The following PXDNL variants were observed in gnomAD, a reference collection of about 807,000 sequenced individuals.
The protein encoded by PXDNL is peroxidasin like, also known as probable oxidoreductase PXDNL.
In PXDNL, 145 loss-of-function variants were observed where a neutral mutation model predicts 150.8. The observed-to-expected ratio is 0.96, with a 90% confidence interval of 0.84 to 1.10. The LOEUF (loss-of-function observed/expected upper bound fraction) is 1.10. Among genes scored for constraint, PXDNL ranks in the 50% least tolerant of loss-of-function variants. The pLI is 0.00. For missense variants in PXDNL, 2,087 were observed against 1,873.9 expected (o/e 1.11, Z -2.10); for synonymous variants, 757 against 725.7 (o/e 1.04, Z -0.69).
intron 1 of PXDNL, among the ~76,000 whole-genome samples, chr8:51,757,642 T>C (rs1229766796): frequency 6.6e-6 from 1 of 152,264 alleles, no homozygotes; most frequent in African/African-American, 2.4e-5. Flanking sequence ...GTCTAAATCA[T>C]CTGCAATGTC....
chr8:51,742,615 A>C (rs777174916), intron 1 of PXDNL, among the ~76,000 whole-genome samples: 10 of 151,660 alleles, frequency 6.6e-5, no homozygotes, highest in Non-Finnish European at 1.3e-4. Context: ...AACATCAACA[A>C]ATGAAGAAAA....
At chr8:51,593,337 C>G (rs1207721468) in intron 2 of PXDNL, among the ~76,000 whole-genome samples, 1 of 152,052 alleles carries the variant, frequency 6.6e-6, no homozygotes, top group Non-Finnish European at 1.5e-5. Flanking sequence ...AGCACCCTGG[C>G]AAATGAAAAT....
chr8:51,568,267 G>A (rs1445518811), intron 3 of PXDNL, among the ~76,000 whole-genome samples: 4 of 151,678 alleles, frequency 2.6e-5, no homozygotes, highest in Non-Finnish European at 1.5e-5. Context: ...TCTCTTTGAA[G>A]GATTTTTTAA....
intron 1 of PXDNL, among the ~76,000 whole-genome samples, chr8:51,785,102 A>C (rs1280322999): frequency 1.3e-5 from 2 of 152,160 alleles, no homozygotes; most frequent in African/African-American, 4.8e-5. Context: ...GTGGAATTAA[A>C]CATTTTAGAT....
intron 1 of PXDNL, among the ~76,000 whole-genome samples, chr8:51,708,735 G>A (rs182770976): frequency 1.4e-4 from 22 of 152,320 alleles, no homozygotes; most frequent in African/African-American, 5.1e-4. Context: ...GTTGAACTGA[G>A]AGGAGACCTT....
chr8:51,408,309 A>G lies in PXDNL; in HGVS notation c.3315T>C (p.Phe1105=). ...GTGCCCGCCATTTAGCAGCCACGCC[A>G]AACAGCCCCCGGAGAACCGGGTCTA... ...GGIDPVLRGL[F]GVAAKWRAPS... is the part of the protein sequence containing the mutation. Residue 1105 remains phenylalanine, a synonymous_variant, in exon 17 of 23, where the codon TTT becomes TTC. Coordinates refer to ENST00000356297, the MANE Select transcript of PXDNL (RefSeq NM_144651.5). 1.9e-6 allele frequency: 3 copies of G among 1,613,996 alleles called. No individual in the cohort carries two copies. The highest frequency in any genetic ancestry group is 2.5e-6 in the Non-Finnish European group (3 of 1,179,886).
chr8:51,637,197 A>G lies in PXDNL; in HGVS notation c.236+17492T>C, dbSNP rs1814624100. Among the ~76,000 whole-genome samples the G allele has an allele frequency of 2.0e-5, 3 of 152,232 alleles. No homozygotes were observed. In the East Asian group the frequency reaches 5.8e-4, roughly 29 times the overall value. On this transcript the variant is annotated intron_variant, in intron 2 of 22. Transcript: ENST00000356297. Reference sequence around the variant, plus strand: ...CACACCAAAACCCCATCTGTATGTTACCATCATCAAAGACCAAAGGTAGAT... The same window carrying G: ...CACACCAAAACCCCATCTGTATGTTGCCATCATCAAAGACCAAAGGTAGAT...
chr8:51,398,132 C>A (rs905029724), intron 17 of PXDNL, among the ~76,000 whole-genome samples: 1 of 152,212 alleles, frequency 6.6e-6, no homozygotes, highest in African/African-American at 2.4e-5. Flanking sequence ...CTTCCAAACA[C>A]TGGACAACAA....
chr8:51,608,833 T>A (rs1813932116), intron 2 of PXDNL, among the ~76,000 whole-genome samples: 1 of 57,844 alleles, frequency 1.7e-5, no homozygotes. Flanking sequence ...CAAGACTCTG[T>A]CTCAAAAAAA....
chr8:51,803,246 A>C (rs13272813), intron 1 of PXDNL, among the ~76,000 whole-genome samples: 9,394 of 152,240 alleles, frequency 0.062, 381 homozygotes, highest in Non-Finnish European at 0.087. Context: ...GGAAGCTCTC[A>C]GTTACTTGCT....
At chr8:51,421,084 T>C (rs1480834227) in intron 14 of PXDNL, among the ~76,000 whole-genome samples, 2 of 152,260 alleles carry the variant, frequency 1.3e-5, no homozygotes, top group Non-Finnish European at 2.9e-5. Flanking sequence ...GAAATGTTTT[T>C]TCACTGAGAT....
chr8:51,802,026 T>C (rs1057069682), intron 1 of PXDNL, among the ~76,000 whole-genome samples: 2 of 152,184 alleles, frequency 1.3e-5, no homozygotes, highest in African/African-American at 4.8e-5. Flanking sequence ...GCACAAAATA[T>C]CATGCATGTC....
intron 1 of PXDNL, among the ~76,000 whole-genome samples, chr8:51,708,494 T>G (rs1262924236): frequency 2.6e-5 from 4 of 152,230 alleles, no homozygotes; most frequent in Non-Finnish European, 1.5e-5. Context: ...CTTATGAACT[T>G]AAATTGTAGG....
Position 51,556,903 on chromosome 8 carries a change from T to C in PXDNL, c.317A>G (p.Tyr106Cys). The change falls in exon 4 of 23, where the codon TAT (tyrosine) becomes TGT (cysteine). Residue 106 changes from tyrosine to cysteine, a missense_variant. By Grantham distance (194) the Tyr-to-Cys change is radical. Transcript: ENST00000356297. ...ATCTAGTGCATGGATTTCATTCTTA[T>C]ACAGGTACCTGGAAAATATATAGAA... Reference protein sequence around the residue: ...GLENLLYLYLYKNEIHALDKQ... With the variant: ...GLENLLYLYLCKNEIHALDKQ... The C allele has an allele frequency of 5.2e-6, 8 of 1,549,150 alleles. No homozygotes were observed. Among genetic ancestry groups the C allele is most frequent in the Non-Finnish European group, 7.1e-6 (8 of 1,121,766 alleles).
intron 21 of PXDNL, among the ~76,000 whole-genome samples, chr8:51,329,153 T>A (rs183538792): frequency 6.6e-6 from 1 of 152,294 alleles, no homozygotes; most frequent in Non-Finnish European, 1.5e-5. Context: ...ATAAGCCCAC[T>A]AGAAAGCTGA....
At position 51,794,574 on chromosome 8, in the gene PXDNL, A is replaced by G. The variant is rs376272403; in HGVS notation, c.164+14607T>C. 3.9e-4 allele frequency among the ~76,000 whole-genome samples: 59 copies of G among 152,322 alleles called. 1 individual carries two copies. In the South Asian group the frequency reaches 0.012, roughly 30 times the overall value. ...TCTGCCAAACTAAGCTTCATAAGCA[A>G]AGGAGAAATAAAATCCTTTTCAGAC... On this transcript the variant is annotated intron_variant, in intron 1 of 22. Coordinates refer to ENST00000356297, the MANE Select transcript of PXDNL (RefSeq NM_144651.5).
Position 51,786,253 on chromosome 8 carries a change from G to A in PXDNL, c.164+22928C>T, listed in dbSNP as rs191448363. On this transcript the variant is annotated intron_variant, in intron 1 of 22. Transcript: ENST00000356297. ...GATGGAGTTTCACTCTTGTTGCCCC[G>A]GCTGGAGTGCAGTAGCACAGTCTCA... 6.0e-5 allele frequency among the ~76,000 whole-genome samples: 9 copies of A among 151,256 alleles called. No individual in the cohort carries two copies. In the East Asian group the frequency reaches 1.6e-3, roughly 26 times the overall value.
intron 1 of PXDNL, among the ~76,000 whole-genome samples, chr8:51,674,012 T>C (rs1052093316): frequency 6.6e-6 from 1 of 152,204 alleles, no homozygotes. Flanking sequence ...TGAAGCTGCA[T>C]TGAGTGTATG....
intron 2 of PXDNL, among the ~76,000 whole-genome samples, chr8:51,642,350 A>C (rs1285663674): frequency 6.6e-6 from 1 of 152,190 alleles, no homozygotes; most frequent in Admixed American, 6.5e-5. Flanking sequence ...TAAAACTTAA[A>C]GTATAATAAT....
Sources: gnomAD v4.1 joint callset for allele counts (sites outside exome capture counted in the v4.1 genomes callset) on GRCh38, gnomAD v4.1.1 for gene constraint, MANE v1.5 for transcripts, NCBI Gene and HGNC (gene_info 2026-07-23, HGNC 2026-07-21) for gene names.